Variants in NOD2 observed in about 807,000 individuals in gnomAD.
NOD2 encodes the protein nucleotide-binding oligomerization domain-containing protein 2.
In NOD2, 86 loss-of-function variants were observed where a neutral mutation model predicts 90.9. The observed-to-expected ratio is 0.95, with a 90% CI of 0.79 to 1.13. NOD2 has a LOEUF of 1.13. NOD2 is among the 50% of genes most tolerant of loss of function. The pLI is 0.00. For missense variants in NOD2, 1,238 were observed against 1,283.8 expected, an observed-to-expected ratio of 0.96 and a Z score of 0.55; for synonymous variants, 581 against 554.6, an observed-to-expected ratio of 1.05 and a Z score of -0.67.
In NOD2 at chr16:50,710,988, T is replaced by C. The variant is rs780775868; in HGVS notation, c.996T>C (p.Gly332=). 6.2e-7 allele frequency: 1 copy of C among 1,614,220 alleles called. No individual in the cohort carries two copies. Among genetic ancestry groups the C allele is most frequent in the South Asian group, 1.1e-5 (1 of 91,084 alleles). ...LFEHCCWPDV[G]QEDIFQLLLD... is the part of the protein sequence containing the mutation. ...AGCACTGCTGTTGGCCTGATGTTGG[T>C]CAAGAAGACATCTTCCAGTTACTCC... The change falls in exon 4 of 12, where the codon GGT becomes GGC. Residue 332 remains glycine (G), a synonymous_variant. Coordinates refer to ENST00000647318, the MANE Select transcript of NOD2 (RefSeq NM_001370466.1).
chr16:50,725,503 A>G lies in NOD2; in HGVS notation c.2816A>G (p.His939Arg), dbSNP rs189453919. 19 of 1,613,754 alleles carry G rather than the reference A, an allele frequency of 1.2e-5. No homozygotes were observed. In the Admixed American group the frequency reaches 2.5e-4, roughly 21 times the overall value. Residue 939 changes from histidine to arginine, a missense_variant, in exon 10 of 12, where the codon CAT becomes CGT. His to Arg is a conservative substitution (Grantham distance 29, BLOSUM62 0). This residue lies in a region of NOD2 where 667 missense variants were observed against 688.7 expected (regional missense o/e 0.97). Coordinates refer to ENST00000647318, the MANE Select transcript of NOD2 (RefSeq NM_001370466.1). ...CTTCTCACCAGCCTGGAGGAGAACC[A>G]TCTCCAGGATGAAGGTGTATGTTCT... ...MLEELCLEENHLQDEGVCSLA... is the reference protein window; with the variant it reads ...MLEELCLEENRLQDEGVCSLA...
chr16:50,713,320 T>C (rs1301034143), intron 4 of NOD2: 1 of 152,178 alleles, frequency 6.6e-6, no homozygotes, highest in African/African-American at 2.4e-5. Context: ...GACAAACCAC[T>C]TCCTGAGAGT....
chr16:50,693,711 G>T (rs1283435307), intron 1 of NOD2, 49 bp downstream of exon 1: 1 of 152,404 alleles, frequency 6.6e-6, no homozygotes, highest in East Asian at 1.9e-4. Flanking sequence ...GAGACTGTGG[G>T]CGCCGAGGGT....
chr16:50,731,493 G>C (rs1465307431), intron 11 of NOD2, among the ~76,000 whole-genome samples: 1 of 152,108 alleles, frequency 6.6e-6, no homozygotes, highest in Non-Finnish European at 1.5e-5. Context: ...ACTGGCCTTG[G>C]GGAGTCTGTG....
At chr16:50,722,203 G>C (rs1020289369) in intron 7 of NOD2, among the ~76,000 whole-genome samples, 2 of 152,222 alleles carry the variant, frequency 1.3e-5, no homozygotes, top group Non-Finnish European at 2.9e-5. Flanking sequence ...TAAAGAGCTA[G>C]CTTGCAGAAG....
rs369059091 is a variant in NOD2 at position 50,698,538 on chromosome 16, C to T, written c.-8-950C>T. 7.6e-4 allele frequency among the ~76,000 whole-genome samples: 116 copies of T among 152,332 alleles called. No homozygotes were observed. The South Asian group carries it at 0.02, about 27-fold the overall frequency. The stretch of plus-strand genomic sequence containing the variant: ...TTGGAGTAGCAGTGTGCAAAACACA[C>T]AGCACGGGCTTGGGGCCCCCGTGGG... On this transcript the variant is annotated intron_variant, in intron 1 of 11. Coordinates refer to ENST00000647318, the MANE Select transcript of NOD2 (RefSeq NM_001370466.1).
At chr16:50,710,374 G>A (rs1964403765) in intron 3 of NOD2, among the ~76,000 whole-genome samples, 184 bp from the exon 4 acceptor site, 1 of 152,224 alleles carries the variant, frequency 6.6e-6, no homozygotes, top group African/African-American at 2.4e-5. Flanking sequence ...GGAAACTGAG[G>A]GTTAGGAAGT....
At position 50,725,499 on chromosome 16, in the gene NOD2, A is replaced by G; in HGVS notation, c.2812A>G (p.Asn938Asp). The G allele has an allele frequency of 6.2e-7, 1 of 1,613,650 alleles. No homozygotes were observed. Among genetic ancestry groups the G allele is most frequent in the Non-Finnish European group, 8.5e-7 (1 of 1,179,578 alleles). ...VMLEELCLEE[N>D]HLQDEGVCSL... ...TCTTCTTCTCACCAGCCTGGAGGAGAACCATCTCCAGGATGAAGGTGTATG... is the reference window on the plus strand; with the variant it reads ...TCTTCTTCTCACCAGCCTGGAGGAGGACCATCTCCAGGATGAAGGTGTATG... The change falls in exon 10 of 12, where the codon AAC (asparagine) becomes GAC (aspartate). Residue 938 changes from asparagine to aspartate, a missense_variant. Physicochemically the swap from Asn to Asp is conservative, Grantham distance 23. This residue lies in a region of NOD2 where 667 missense variants were observed against 688.7 expected (regional missense o/e 0.97). Transcript: ENST00000647318.
chr16:50,721,734 C>T (rs1001412165), intron 7 of NOD2, among the ~76,000 whole-genome samples: 13 of 152,126 alleles, frequency 8.5e-5, no homozygotes, highest in African/African-American at 3.1e-4. Context: ...CTCAGGTGAT[C>T]CTCCCTCCTT....
rs1267123067 is a variant in NOD2, at chr16:50,724,024, T to A, written c.2801+640T>A. On this transcript the variant is annotated intron_variant, in intron 9 of 11. Coordinates refer to ENST00000647318, the MANE Select transcript of NOD2 (RefSeq NM_001370466.1). The stretch of plus-strand genomic sequence containing the variant: ...GGTCATTTTGGAAGGTGTAATGGAG[T>A]TTTGATAGTTGAAAGAGGAACCATG... Among the ~76,000 whole-genome samples the A allele has an allele frequency of 1.5e-4, 23 of 152,004 alleles. 1 individual carries two copies.
chr16:50,702,715 T>C (rs1963997012), intron 2 of NOD2, among the ~76,000 whole-genome samples: 1 of 152,230 alleles, frequency 6.6e-6, no homozygotes, highest in Admixed American at 6.5e-5. Flanking sequence ...GTCCATTCCC[T>C]GTATTGTTTT....
intron 6 of NOD2, among the ~76,000 whole-genome samples, chr16:50,717,207 A>C (rs533741637): frequency 6.6e-6 from 1 of 152,334 alleles, no homozygotes; most frequent in Non-Finnish European, 1.5e-5. Context: ...GTAGGGCAAG[A>C]AAGCTTTTCT....
intron 10 of NOD2, 34 bp from the exon 11 acceptor site, chr16:50,729,784 T>G: frequency 6.3e-7 from 1 of 1,578,270 alleles, no homozygotes; most frequent in Non-Finnish European, 8.7e-7. Context: ...AAACCAAGAA[T>G]CCTTGAAGCT....
Position 50,711,406 on chromosome 16 carries a change from C to G in NOD2, c.1414C>G (p.Leu472Val). The G allele has an allele frequency of 6.2e-7, 1 of 1,613,712 alleles. No individual in the cohort carries two copies. Among genetic ancestry groups the G allele is most frequent in the Admixed American group, 1.7e-5 (1 of 60,030 alleles). Residue 472 changes from leucine (L) to valine (V), a missense_variant, in exon 4 of 12, where the codon CTG becomes GTG. Transcript: ENST00000647318. ...GATGGTGTCCAAATGCCACCAGGAA[C>G]TGTTGCTGCAGGAGGGGGGGTCCCC... ...SWMVSKCHQE[L>V]LLQEGGSPKT...
chr16:50,693,783 G>A (rs949488478), intron 1 of NOD2, 121 bp downstream of exon 1: 1 of 152,280 alleles, frequency 6.6e-6, no homozygotes, highest in South Asian at 2.1e-4. Flanking sequence ...CTTGGGCAAG[G>A]GTTGCCTCGG....
chr16:50,703,290 A>G (rs575338024), intron 2 of NOD2, among the ~76,000 whole-genome samples: 1 of 152,110 alleles, frequency 6.6e-6, no homozygotes, highest in Non-Finnish European at 1.5e-5. Context: ...CAAATAATGT[A>G]TTGTTCTATT....
At chr16:50,728,914 T>G (rs1042144270) in intron 10 of NOD2, 1 of 152,782 alleles carries the variant, frequency 6.5e-6, no homozygotes, top group Non-Finnish European at 1.5e-5. Flanking sequence ...TTGGTTATTT[T>G]CTATCAATTA....
Position 50,697,081 on chromosome 16 carries a change from G to T in NOD2, c.-8-2407G>T, listed in dbSNP as rs1963681638. 63 of 690,726 alleles carry T rather than the reference G, an allele frequency of 9.1e-5. 1 individual carries two copies. In the South Asian group the frequency reaches 9.5e-4, roughly 10 times the overall value. The allele number at this position is 690,726 out of a possible 1,614,324, so 42.8% of individuals were successfully genotyped here. ...GGAATTGCCTAGTTCTGGAAGGCTG[G>T]TTGGCCAACTCTGGCCTCCGGCTTT... On this transcript the variant is annotated intron_variant, in intron 1 of 11. Transcript: ENST00000647318.
chr16:50,702,393 G>A (rs566015177), intron 2 of NOD2, among the ~76,000 whole-genome samples: 1 of 152,306 alleles, frequency 6.6e-6, no homozygotes, highest in South Asian at 2.1e-4. Flanking sequence ...CACTGCCTGA[G>A]GTTTAAGCCT....
Sources: allele counts gnomAD v4.1 joint callset (sites outside exome capture counted in the v4.1 genomes callset), GRCh38; gene constraint gnomAD v4.1.1; regional missense constraint gnomAD v4.1.1; transcripts MANE v1.5; gene names NCBI Gene and HGNC (gene_info 2026-07-23, HGNC 2026-07-21).